DNAH8: variants seen among roughly 807,000 people sequenced by gnomAD.
DNAH8 encodes axonemal beta dynein heavy chain 8.
A neutral mutation model predicts 562.1 loss-of-function variants in DNAH8; 382 were observed. That is an observed-to-expected ratio of 0.68 (90% CI 0.63 to 0.74). The LOEUF (loss-of-function observed/expected upper bound fraction) is 0.74. Ranked by LOEUF, DNAH8 falls within the 30% of genes least tolerant of loss-of-function variation. DNAH8 has a pLI of 0.00. For synonymous variants in DNAH8, 1,881 were observed against 1,919.4 expected, an observed-to-expected ratio of 0.98 and a Z score of 0.52; for missense variants, 5,203 against 5,620.4, an observed-to-expected ratio of 0.93 and a Z score of 2.37.
At chr6:38,903,941 T>G (rs1780259261) in intron 62 of DNAH8, among the ~76,000 whole-genome samples, 1 of 152,060 alleles carries the variant, frequency 6.6e-6, no homozygotes, top group Non-Finnish European at 1.5e-5. Context: ...GATGCATTTA[T>G]CAAAATGTAA....
At chr6:38,987,955 C>T (rs1764510399) in intron 87 of DNAH8, among the ~76,000 whole-genome samples, 2 of 152,168 alleles carry the variant, frequency 1.3e-5, no homozygotes, top group Admixed American at 1.3e-4. Flanking sequence ...GCCCCCACAC[C>T]CTGCCTTCAC....
chr6:38,880,345 G>T (rs931414096), intron 53 of DNAH8, among the ~76,000 whole-genome samples: 3 of 152,058 alleles, frequency 2.0e-5, no homozygotes, highest in Admixed American at 2.0e-4. Flanking sequence ...GTAAAACTGC[G>T]CTGAGAGAAG....
At chr6:38,870,179 G>A (rs546502110) in intron 48 of DNAH8, among the ~76,000 whole-genome samples, 2 of 152,262 alleles carry the variant, frequency 1.3e-5, no homozygotes, top group Non-Finnish European at 2.9e-5. Context: ...CCCACGACAC[G>A]TGGGAGTTAT....
Position 38,990,152 on chromosome 6 carries a change from T to G in DNAH8, c.13194T>G (p.Leu4398=). 1.2e-6 allele frequency: 2 copies of G among 1,611,114 alleles called. No homozygotes were observed. The highest frequency in any genetic ancestry group is 1.7e-6 in the Non-Finnish European group (2 of 1,178,268). ...TAGATAACCCTGAAGTCTTTGGGCT[T>G]CACCCTAATGCTGATATCACGTAAG... ...PSLDNPEVFG[L]HPNADITYQS... The change falls in exon 88 of 93, where the codon CTT becomes CTG. Residue 4398 remains leucine, a synonymous_variant. Coordinates refer to ENST00000327475, the MANE Select transcript of DNAH8 (RefSeq NM_001206927.2).
At chr6:38,781,810 A>G (rs1307649774) in intron 16 of DNAH8, among the ~76,000 whole-genome samples, 1 of 152,216 alleles carries the variant, frequency 6.6e-6, no homozygotes, top group African/African-American at 2.4e-5. Context: ...AGAGCGGAAT[A>G]TAATACAGTT....
At chr6:38,860,164 C>T (rs954736786) in intron 42 of DNAH8, among the ~76,000 whole-genome samples, 5 of 152,114 alleles carry the variant, frequency 3.3e-5, no homozygotes, top group Non-Finnish European at 7.3e-5. Flanking sequence ...GTAGTTAGGT[C>T]CTCCTGCTCC....
intron 58 of DNAH8, among the ~76,000 whole-genome samples, chr6:38,891,852 C>T (rs539684140): frequency 6.6e-6 from 1 of 152,190 alleles, no homozygotes; most frequent in African/African-American, 2.4e-5. Context: ...GGCTCCATTT[C>T]CTCAGTGTCT....
intron 21 of DNAH8, among the ~76,000 whole-genome samples, chr6:38,802,788 T>G (rs1770897668): frequency 6.6e-6 from 1 of 152,220 alleles, no homozygotes; most frequent in Admixed American, 6.5e-5. Flanking sequence ...ATTAAAAACT[T>G]TATCTAATTT....
chr6:38,796,397 G>A (rs1397870424), intron 21 of DNAH8, among the ~76,000 whole-genome samples: 1 of 152,054 alleles, frequency 6.6e-6, no homozygotes, highest in African/African-American at 2.4e-5. Flanking sequence ...ATATCTCTGT[G>A]TGCCGTCAGT....
At chr6:38,830,477 A>G (rs1379842479) in intron 30 of DNAH8, among the ~76,000 whole-genome samples, 2 of 151,742 alleles carry the variant, frequency 1.3e-5, no homozygotes, top group Non-Finnish European at 2.9e-5. Flanking sequence ...TACTAAAATT[A>G]CAAAAAAATC....
chr6:38,923,528 A>C (rs1781878522), intron 72 of DNAH8: 1 of 183,846 alleles, frequency 5.4e-6, no homozygotes, highest in South Asian at 1.6e-4. Context: ...TGTAAATGCA[A>C]GGCTGTCTTC....
At chr6:39,022,813 T>A (rs1167903267) in intron 91 of DNAH8, among the ~76,000 whole-genome samples, 1 of 152,196 alleles carries the variant, frequency 6.6e-6, no homozygotes, top group Non-Finnish European at 1.5e-5. Flanking sequence ...GGCAGCTGCC[T>A]ACCCCCATCC....
chr6:38,896,601 A>C (rs933210513), intron 60 of DNAH8, among the ~76,000 whole-genome samples: 2 of 151,292 alleles, frequency 1.3e-5, no homozygotes, highest in Non-Finnish European at 3.0e-5. Context: ...AAACAAACAA[A>C]CAAACAAAAA....
chr6:38,914,557 G>A (rs575528476), intron 67 of DNAH8, among the ~76,000 whole-genome samples: 1 of 151,846 alleles, frequency 6.6e-6, no homozygotes, highest in South Asian at 2.1e-4. Context: ...TCACCATGTT[G>A]GCCAGGATGG....
chr6:38,960,267 G>C (rs1189565444), intron 82 of DNAH8, among the ~76,000 whole-genome samples: 4 of 151,902 alleles, frequency 2.6e-5, no homozygotes, highest in Non-Finnish European at 4.4e-5. Context: ...AGACAATTGG[G>C]ATTACCTCAA....
At chr6:38,837,871 T>A in intron 32 of DNAH8, 71 bp from the exon 33 acceptor site, 1 of 1,129,534 alleles carries the variant, frequency 8.9e-7, no homozygotes. Flanking sequence ...TTTATCCCAA[T>A]GAAAATAAAT....
intron 88 of DNAH8, among the ~76,000 whole-genome samples, chr6:38,992,296 G>C (rs974104139): frequency 3.3e-5 from 5 of 152,124 alleles, no homozygotes; most frequent in Non-Finnish European, 7.4e-5. Flanking sequence ...TTACTGATTT[G>C]TTATTGTCCA....
At chr6:38,968,174 A>G (rs1017875873) in intron 82 of DNAH8, among the ~76,000 whole-genome samples, 1 of 152,194 alleles carries the variant, frequency 6.6e-6, no homozygotes, top group Non-Finnish European at 1.5e-5. Context: ...AACTGTAAAC[A>G]CTAAAACCAT....
chr6:38,759,147 A>C (rs1434015481), intron 10 of DNAH8, among the ~76,000 whole-genome samples: 1 of 152,018 alleles, frequency 6.6e-6, no homozygotes, highest in Non-Finnish European at 1.5e-5. Flanking sequence ...TACAAAAAAA[A>C]ATTTTTTTAA....
Sources: gnomAD v4.1 joint callset for allele counts (sites outside exome capture counted in the v4.1 genomes callset) on GRCh38, gnomAD v4.1.1 for gene constraint, MANE v1.5 for transcripts, NCBI Gene and HGNC (gene_info 2026-07-23, HGNC 2026-07-21) for gene names.